Variants in ABCC9 observed in about 807,000 individuals in gnomAD.
ABCC9 encodes the protein ATP binding cassette subfamily C member 9.
In ABCC9, 95 loss-of-function variants were observed where a neutral mutation model predicts 188.3. The observed-to-expected ratio is 0.50, with a 90% CI of 0.43 to 0.60. ABCC9 has a LOEUF of 0.60. ABCC9 is among the 20% of genes least tolerant of loss of function. ABCC9 has a pLI of 0.00. For synonymous variants in ABCC9, 659 were observed against 652.7 expected (o/e 1.01, Z -0.15); for missense variants, 1,102 against 1,876.3 (o/e 0.59, Z 7.62).
At position 21,834,786 on chromosome 12, in the gene ABCC9, T is replaced by TATACACACACACACAC. The variant is rs113973392; in HGVS notation, c.3566+3291_3566+3292insGTGTGTGTGTGTGTAT. Among the ~76,000 whole-genome samples, 129 of 141,596 alleles carry TATACACACACACACAC rather than the reference T, an allele frequency of 9.1e-4. 1 individual carries two copies. The highest frequency in any genetic ancestry group is 1.3e-3 in the Non-Finnish European group (85 of 64,876). The allele number at this position is 141,596 out of a possible 152,430, so 92.9% of individuals were successfully genotyped here. On this transcript the variant is annotated intron_variant, in intron 30 of 39. Transcript: ENST00000261200. ...TATACATATAGCATATATAACATTATACACACACACACACACACACACACA... is the reference window on the plus strand; with the variant it reads ...TATACATATAGCATATATAACATTATATACACACACACACACACACACACACACACACACACACACA...
chr12:21,928,916 G>A (rs373894841), intron 4 of ABCC9, among the ~76,000 whole-genome samples: 111 of 152,144 alleles, frequency 7.3e-4, no homozygotes, highest in Middle Eastern at 6.8e-3. Context: ...TGCACACCTC[G>A]ATGGCTTGGT....
chr12:21,853,830 A>T (rs1157814559), intron 22 of ABCC9, among the ~76,000 whole-genome samples: 1 of 152,204 alleles, frequency 6.6e-6, no homozygotes, highest in Admixed American at 6.5e-5. Context: ...GATGGCAGGG[A>T]ATGAAAGAAA....
intron 5 of ABCC9, among the ~76,000 whole-genome samples, chr12:21,918,535 T>A (rs185802729): frequency 3.4e-4 from 52 of 152,220 alleles, no homozygotes; most frequent in African/African-American, 1.3e-3. Context: ...TCAAGAACAG[T>A]CAGACTATTG....
rs1396199327 is a variant in ABCC9 at position 21,910,807 on chromosome 12, A to G, written c.1164+19T>C. The G allele has an allele frequency of 6.3e-7, 1 of 1,599,400 alleles. No homozygotes were observed. The highest frequency in any genetic ancestry group is 8.6e-7 in the Non-Finnish European group (1 of 1,167,074). On this transcript the variant is annotated intron_variant, in intron 9 of 39. Coordinates refer to ENST00000261200, the MANE Select transcript of ABCC9 (RefSeq NM_020297.4). ...ATAGCATTCTTAGGAAACAAATAGTATTCACAGCCTTTACATACCAGCAGA... is the reference window on the plus strand; with the variant it reads ...ATAGCATTCTTAGGAAACAAATAGTGTTCACAGCCTTTACATACCAGCAGA...
chr12:21,817,194 G>T lies in ABCC9; in HGVS notation c.3885C>A (p.Gly1295=). Residue 1295 remains glycine, a synonymous_variant, in exon 33 of 40, where the codon GGC becomes GGA. Transcript: ENST00000261200. ...FLTMESENYE[G]TMDPSQVPEH... ...CAATATTTAGAGCAATACCCATTGTGCCTTCATAGTTCTCTGACTCCATAG... is the reference window on the plus strand; with the variant it reads ...CAATATTTAGAGCAATACCCATTGTTCCTTCATAGTTCTCTGACTCCATAG... 1 of 1,613,426 alleles carries T rather than the reference G, an allele frequency of 6.2e-7. No homozygotes were observed. Among genetic ancestry groups the T allele is most frequent in the Non-Finnish European group, 8.5e-7 (1 of 1,179,576 alleles).
At chr12:21,861,121 A>T in intron 20 of ABCC9, 66 bp from the exon 21 acceptor site, 1 of 1,251,194 alleles carries the variant, frequency 8.0e-7, no homozygotes, top group Non-Finnish European at 1.2e-6. Context: ...CTAAGTGCCA[A>T]ATTCAATACT....
chr12:21,925,174 T>C (rs1054875535), intron 5 of ABCC9: 1 of 217,484 alleles, frequency 4.6e-6, no homozygotes, highest in African/African-American at 2.3e-5. Context: ...GTGATTCTTG[T>C]TCCATACCTT....
At position 21,872,609 on chromosome 12, in the gene ABCC9, C is replaced by G; in HGVS notation, c.2198+16G>C. ...TGTATGACATAGCAATGGAAGCCAA[C>G]TAAAAATATACATACTTGCTCCAGT... is the stretch of plus-strand genomic sequence containing the variant. On this transcript the variant is annotated intron_variant, in intron 18 of 39. Transcript: ENST00000261200. 1 of 1,591,766 alleles carries G rather than the reference C, an allele frequency of 6.3e-7. No homozygotes were observed. Among genetic ancestry groups the G allele is most frequent in the Non-Finnish European group, 8.6e-7 (1 of 1,159,882 alleles).
In ABCC9 at chr12:21,810,025, G is replaced by T; in HGVS notation, c.4212-70C>A. 6 of 965,778 alleles carry T rather than the reference G, an allele frequency of 6.2e-6. 1 individual carries two copies. Among genetic ancestry groups the T allele is most frequent in the South Asian group, 2.6e-5 (2 of 76,300 alleles). The allele number at this position is 965,778 out of a possible 1,614,324, so 59.8% of individuals were successfully genotyped here. ...AAACTTTTATGTATATTTGCTTATT[G>T]CTTTTCTTTCCTTACAATGTAAGTT... On this transcript the variant is annotated intron_variant, in intron 36 of 39. Coordinates refer to ENST00000261200, the MANE Select transcript of ABCC9 (RefSeq NM_020297.4).
intron 4 of ABCC9, among the ~76,000 whole-genome samples, chr12:21,931,250 G>C (rs1422477110): frequency 1.3e-5 from 2 of 151,824 alleles, no homozygotes; most frequent in Admixed American, 1.3e-4. Context: ...GTTTTTTAAG[G>C]GTCTTTTTCC....
chr12:21,888,914 G>T (rs1385313083), intron 14 of ABCC9, among the ~76,000 whole-genome samples: 1 of 1,024 alleles, frequency 9.8e-4, no homozygotes, highest in African/African-American at 1.1e-3. Flanking sequence ...CAGCAAGTGG[G>T]AAAACTTAAC....
At chr12:21,852,527 A>G in intron 22 of ABCC9, 22 bp from the exon 23 acceptor site, 1 of 1,606,358 alleles carries the variant, frequency 6.2e-7, no homozygotes, top group Non-Finnish European at 8.5e-7. Flanking sequence ...AAAATGGAGG[A>G]AAGATGGACG....
chr12:21,811,949 T>A (rs1228218312), intron 36 of ABCC9, 100 bp downstream of exon 36: 3 of 821,138 alleles, frequency 3.7e-6, no homozygotes, highest in Non-Finnish European at 6.4e-6. Flanking sequence ...TGCCTTGATA[T>A]CAGTTCACTC....
chr12:21,810,363 C>A (rs2137136605), intron 36 of ABCC9, among the ~76,000 whole-genome samples: 1 of 152,174 alleles, frequency 6.6e-6, no homozygotes, highest in Non-Finnish European at 1.5e-5. Flanking sequence ...CCATCACCAA[C>A]AATAGTAGTG....
At chr12:21,808,778 C>T (rs1436043993) in intron 37 of ABCC9, among the ~76,000 whole-genome samples, 1 of 80,508 alleles carries the variant, frequency 1.2e-5, no homozygotes. Flanking sequence ...GAACTTGTCT[C>T]AAAAAAAAAA....
chr12:21,834,318 G>T (rs1424388712), intron 30 of ABCC9, among the ~76,000 whole-genome samples: 1 of 152,072 alleles, frequency 6.6e-6, no homozygotes, highest in Non-Finnish European at 1.5e-5. Flanking sequence ...GATGGGTTCT[G>T]CCCTATTAAG....
chr12:21,913,189 T>A, intron 7 of ABCC9, 123 bp from the exon 8 acceptor site: 1 of 830,260 alleles, frequency 1.2e-6, no homozygotes, highest in Non-Finnish European at 1.8e-6. Flanking sequence ...GTTTAAAAAT[T>A]GATGTTAATG....
At chr12:21,900,861 C>T (rs1276114907) in intron 12 of ABCC9, among the ~76,000 whole-genome samples, 1 of 152,156 alleles carries the variant, frequency 6.6e-6, no homozygotes, top group Non-Finnish European at 1.5e-5. Context: ...GAGAATGGAA[C>T]CAAGCTAGAA....
intron 12 of ABCC9, among the ~76,000 whole-genome samples, chr12:21,900,435 C>T (rs1021097305): frequency 2.0e-5 from 3 of 152,162 alleles, no homozygotes; most frequent in Admixed American, 2.0e-4. Flanking sequence ...AGCTCCTCAC[C>T]AGCAACGGAA....
Sources: allele counts gnomAD v4.1 joint callset (sites outside exome capture counted in the v4.1 genomes callset), GRCh38; gene constraint gnomAD v4.1.1; transcripts MANE v1.5; gene names NCBI Gene and HGNC (gene_info 2026-07-23, HGNC 2026-07-21).